Variants in HLCS observed in about 807,000 individuals in gnomAD.
The protein encoded by HLCS is biotin--protein ligase.
A neutral mutation model predicts 75.0 loss-of-function variants in HLCS; 53 were observed. The ratio of observed to expected loss-of-function variants is 0.71; its 90% CI spans 0.57 to 0.89. The LOEUF (loss-of-function observed/expected upper bound fraction) is 0.89, where lower values mean the gene tolerates loss of function less well. Ranked by LOEUF, HLCS falls within the 40% of genes least tolerant of loss-of-function variation. The probability of loss-of-function intolerance (pLI) is 0.00; values close to 1 mark genes in which losing one functional copy is unlikely to be tolerated. For synonymous variants in HLCS, 431 were observed against 428.6 expected (o/e 1.01, Z -0.07); for missense variants, 966 against 1,074.0 (o/e 0.90, Z 1.41).
intron 6 of HLCS, among the ~76,000 whole-genome samples, chr21:36,840,325 C>T (rs2062572532): frequency 1.3e-5 from 2 of 151,980 alleles, no homozygotes; most frequent in African/African-American, 4.8e-5. Context: ...TTCAGTCTAC[C>T]TTTAGTGTTG....
intron 2 of HLCS, chr21:36,946,102 G>C: frequency 1.0e-6 from 1 of 985,218 alleles, no homozygotes; most frequent in Non-Finnish European, 1.2e-6. Flanking sequence ...AAGTCCTTTA[G>C]AGCAAGTAAC....
At position 36,941,369 on chromosome 21, in the gene HLCS, C is replaced by T. The variant is rs898953131; in HGVS notation, c.331-2375G>A. On this transcript the variant is annotated intron_variant, in intron 2 of 10. Coordinates refer to ENST00000674895, the MANE Select transcript of HLCS (RefSeq NM_001352514.2). ...ATGAAGAACTGTGAGTCAATTAAAC[C>T]TCTTTCCTTTAAAAATTACCCAGTC... Among the ~76,000 whole-genome samples the T allele has an allele frequency of 8.5e-5, 13 of 152,186 alleles. No homozygotes were observed. In the East Asian group the frequency reaches 2.5e-3, roughly 29 times the overall value.
intron 6 of HLCS, among the ~76,000 whole-genome samples, chr21:36,869,375 G>A (rs912754613): frequency 6.6e-6 from 1 of 151,998 alleles, no homozygotes; most frequent in African/African-American, 2.4e-5. Flanking sequence ...CTCGTGATCC[G>A]CCCACCTCGG....
intron 6 of HLCS, among the ~76,000 whole-genome samples, chr21:36,789,719 T>C (rs1322074355): frequency 6.6e-6 from 1 of 152,254 alleles, no homozygotes; most frequent in Non-Finnish European, 1.5e-5. Flanking sequence ...ACGCATTTTC[T>C]AGTCCTTTCT....
chr21:36,865,023 C>A (rs2063507344), intron 6 of HLCS, among the ~76,000 whole-genome samples: 2 of 151,780 alleles, frequency 1.3e-5, no homozygotes, highest in South Asian at 4.2e-4. Context: ...GTTGCCCTGT[C>A]TGCCACCCTA....
chr21:36,770,144 T>C (rs2145789194), intron 6 of HLCS, among the ~76,000 whole-genome samples: 1 of 143,338 alleles, frequency 7.0e-6, no homozygotes, highest in African/African-American at 2.6e-5. Flanking sequence ...ATAGATGCTT[T>C]TTTTTTTTTT....
intron 6 of HLCS, among the ~76,000 whole-genome samples, chr21:36,841,307 C>T (rs1273914064): frequency 6.6e-6 from 1 of 152,210 alleles, no homozygotes; most frequent in Non-Finnish European, 1.5e-5. Context: ...AACTAAACCA[C>T]TGTCCGAATA....
chr21:36,769,672 G>A (rs141310426), intron 6 of HLCS, among the ~76,000 whole-genome samples: 89 of 152,338 alleles, frequency 5.8e-4, no homozygotes, highest in Non-Finnish European at 1.1e-3. Flanking sequence ...CTTGTGTTGA[G>A]TCTGAAACAT....
At chr21:36,968,284 G>A (rs188987364), upstream of HLCS, among the ~76,000 whole-genome samples, 19 of 152,296 alleles carry the variant, frequency 1.2e-4, no homozygotes, top group Admixed American at 3.9e-4. Flanking sequence ...GAGCCATGGC[G>A]CCTAGCCATA....
At chr21:36,837,745 C>T (rs923624393) in intron 6 of HLCS, among the ~76,000 whole-genome samples, 5 of 152,150 alleles carry the variant, frequency 3.3e-5, no homozygotes, top group Non-Finnish European at 5.9e-5. Flanking sequence ...AAGTCGGCTG[C>T]AATCATGAAC....
intron 6 of HLCS, among the ~76,000 whole-genome samples, chr21:36,879,084 T>TA (rs2064099742): frequency 1.3e-5 from 2 of 151,830 alleles, no homozygotes; most frequent in Non-Finnish European, 2.9e-5. Context: ...AATGGTAAAT[T>TA]AGTGTTAACT....
intron 5 of HLCS, among the ~76,000 whole-genome samples, chr21:36,901,688 T>G (rs926611670): frequency 7.9e-5 from 12 of 152,182 alleles, no homozygotes; most frequent in Admixed American, 5.9e-4. Flanking sequence ...GTTCTCCTCT[T>G]TAAGTGTCCC....
chr21:36,792,294 T>C (rs2060890607), intron 6 of HLCS, among the ~76,000 whole-genome samples: 1 of 152,098 alleles, frequency 6.6e-6, no homozygotes, highest in Non-Finnish European at 1.5e-5. Context: ...CACTTTGGCA[T>C]CTGTGTGACC....
At chr21:36,892,605 G>T (rs967451197) in intron 6 of HLCS, among the ~76,000 whole-genome samples, 1 of 152,200 alleles carries the variant, frequency 6.6e-6, no homozygotes, top group African/African-American at 2.4e-5. Context: ...TGAGGAAGAG[G>T]TGAGAGTTTT....
At chr21:36,946,201 T>A (rs2067384919) in intron 2 of HLCS, 1 of 461,526 alleles carries the variant, frequency 2.2e-6, no homozygotes, top group African/African-American at 2.1e-5. Flanking sequence ...ATTACAACAG[T>A]TTGTGGCCCT....
chr21:36,849,648 C>T (rs1030950098), intron 6 of HLCS, among the ~76,000 whole-genome samples: 7 of 152,200 alleles, frequency 4.6e-5, no homozygotes, highest in Admixed American at 4.6e-4. Flanking sequence ...CAGTATCCAC[C>T]CCAGCCCCCA....
intron 6 of HLCS, among the ~76,000 whole-genome samples, chr21:36,857,026 G>A (rs1457059888): frequency 6.6e-6 from 1 of 152,226 alleles, no homozygotes; most frequent in East Asian, 1.9e-4. Context: ...TGCAAACAGT[G>A]TAAAGTGAGG....
intron 1 of HLCS, chr21:36,974,954 C>T (rs941842423): frequency 2.6e-5 from 4 of 152,216 alleles, no homozygotes; most frequent in Non-Finnish European, 5.9e-5. Context: ...TCTCAACTGT[C>T]GGCCATAAGT....
chr21:36,926,514 T>C (rs1487158996), intron 5 of HLCS, among the ~76,000 whole-genome samples: 1 of 152,222 alleles, frequency 6.6e-6, no homozygotes, highest in East Asian at 1.9e-4. Flanking sequence ...AGTCATTTGT[T>C]TTTAGTTTTT....
Sources: gnomAD v4.1 joint callset for allele counts (sites outside exome capture counted in the v4.1 genomes callset) on GRCh38, gnomAD v4.1.1 for gene constraint, MANE v1.5 for transcripts, NCBI Gene and HGNC (gene_info 2026-07-23, HGNC 2026-07-21) for gene names.